DNAH11: variants seen among roughly 807,000 people sequenced by gnomAD.
DNAH11 encodes the protein dynein axonemal heavy chain 11, also known as axonemal beta dynein heavy chain 11.
A neutral mutation model predicts 526.0 loss-of-function variants in DNAH11; 442 were observed. The observed-to-expected ratio is 0.84, with a 90% confidence interval of 0.78 to 0.91. DNAH11 has a LOEUF of 0.91. Ranked by LOEUF, DNAH11 falls within the 40% of genes least tolerant of loss-of-function variation. The probability of loss-of-function intolerance (pLI) is 0.00; values close to 1 mark genes in which losing one functional copy is unlikely to be tolerated. For missense variants in DNAH11, 6,989 were observed against 5,448.7 expected (o/e 1.28, Z -8.90); for synonymous variants, 2,461 against 1,935.9 (o/e 1.27, Z -7.12).
chr7:21,832,087 C>T (rs569255853), intron 65 of DNAH11, among the ~76,000 whole-genome samples: 1 of 145,438 alleles, frequency 6.9e-6, no homozygotes, highest in South Asian at 2.1e-4. Flanking sequence ...GAGACTCCAT[C>T]TCAAAAAAAA....
intron 79 of DNAH11, among the ~76,000 whole-genome samples, chr7:21,896,326 C>G (rs1200236652): frequency 2.0e-5 from 3 of 152,270 alleles, no homozygotes; most frequent in Middle Eastern, 3.4e-3. Context: ...GTCCTCACTG[C>G]ACTCTCCTTC....
intron 58 of DNAH11, among the ~76,000 whole-genome samples, chr7:21,784,888 C>T (rs1045464021): frequency 6.6e-6 from 1 of 152,044 alleles, no homozygotes; most frequent in Admixed American, 6.6e-5. Flanking sequence ...AAGAACTAGG[C>T]GAAGGATTCT....
At chr7:21,572,358 C>T (rs986661617) in intron 8 of DNAH11, among the ~76,000 whole-genome samples, 7 of 152,040 alleles carry the variant, frequency 4.6e-5, no homozygotes, top group African/African-American at 1.7e-4. Flanking sequence ...TTGCTTTCAC[C>T]CCAGTCATTA....
intron 30 of DNAH11, 105 bp downstream of exon 30, chr7:21,659,136 A>C: frequency 1.0e-6 from 1 of 959,758 alleles, no homozygotes; most frequent in Admixed American, 2.8e-5. Flanking sequence ...TCTGTGTGCA[A>C]AATACTATGC....
intron 18 of DNAH11, among the ~76,000 whole-genome samples, chr7:21,602,876 T>G (rs1228172641): frequency 6.6e-6 from 1 of 152,204 alleles, no homozygotes; most frequent in Non-Finnish European, 1.5e-5. Flanking sequence ...TTTCTTTTTT[T>G]TATTGAGGTG....
At chr7:21,632,689 A>C (rs1408403508) in intron 25 of DNAH11, among the ~76,000 whole-genome samples, 1 of 152,104 alleles carries the variant, frequency 6.6e-6, no homozygotes, top group African/African-American at 2.4e-5. Context: ...CCTGGATTTC[A>C]TTGTCTGTGT....
intron 25 of DNAH11, among the ~76,000 whole-genome samples, chr7:21,625,588 G>C (rs908151171): frequency 2.0e-5 from 3 of 152,058 alleles, no homozygotes; most frequent in Non-Finnish European, 4.4e-5. Flanking sequence ...TGAAGGGTTA[G>C]CATTAAGTTG....
intron 8 of DNAH11, among the ~76,000 whole-genome samples, chr7:21,573,798 A>C (rs1357091086): frequency 6.6e-6 from 1 of 152,092 alleles, no homozygotes; most frequent in Non-Finnish European, 1.5e-5. Context: ...TCTGACTACA[A>C]ACTAGTGCTT....
intron 50 of DNAH11, 110 bp from the exon 51 acceptor site, chr7:21,744,760 A>G: frequency 2.8e-6 from 4 of 1,439,554 alleles, no homozygotes; most frequent in African/African-American, 1.4e-5. Flanking sequence ...CATTCCACCC[A>G]CCTACCCATG....
At chr7:21,850,739 T>C (rs1378739314) in intron 66 of DNAH11, among the ~76,000 whole-genome samples, 3 of 152,086 alleles carry the variant, frequency 2.0e-5, no homozygotes, top group Admixed American at 2.0e-4. Flanking sequence ...AGGTTTTATG[T>C]TTCCAGGGCT....
At chr7:21,888,326 A>G (rs1364677167) in intron 76 of DNAH11, among the ~76,000 whole-genome samples, 3 of 152,094 alleles carry the variant, frequency 2.0e-5, no homozygotes, top group African/African-American at 7.2e-5. Flanking sequence ...TACCAACACT[A>G]CTTGGAGAGG....
chr7:21,871,681 C>T (rs375437273), intron 73 of DNAH11, among the ~76,000 whole-genome samples: 3 of 152,144 alleles, frequency 2.0e-5, no homozygotes, highest in African/African-American at 7.2e-5. Flanking sequence ...TGTTAGTAAG[C>T]ATGTAAAGGA....
In DNAH11 at chr7:21,750,295, T is replaced by C; in HGVS notation, c.8871T>C (p.Ala2957=). ...CTGGAATTCATAATGAAGTTCATGC[T>C]CTGGGCATGGTAGACTCCAGGGAAA... ...IISGIHNEVH[A]LGMVDSRENC... is the part of the protein sequence containing the mutation. The change falls in exon 54 of 82, where the codon GCT becomes GCC. Residue 2957 remains alanine, a synonymous_variant. Transcript: ENST00000409508. 1 of 1,605,624 alleles carries C rather than the reference T, an allele frequency of 6.2e-7. No individual in the cohort carries two copies. Among genetic ancestry groups the C allele is most frequent in the Non-Finnish European group, 8.5e-7 (1 of 1,175,770 alleles).
Position 21,899,328 on chromosome 7 carries a change from T to C in DNAH11, c.13050-8T>C. On this transcript the variant is annotated splice_polypyrimidine_tract_variant and splice_region_variant and intron_variant, in intron 79 of 81. Transcript: ENST00000409508. Reference sequence around the variant, plus strand: ...AGCAAGTTTTTCTTCCTCCCTCCCATAAACCAGGTTCAATGACCTCCTCCT... The same window carrying C: ...AGCAAGTTTTTCTTCCTCCCTCCCACAAACCAGGTTCAATGACCTCCTCCT... 1 of 1,612,210 alleles carries C rather than the reference T, an allele frequency of 6.2e-7. No individual in the cohort carries two copies. Among genetic ancestry groups the C allele is most frequent in the Non-Finnish European group, 8.5e-7 (1 of 1,178,272 alleles).
intron 65 of DNAH11, among the ~76,000 whole-genome samples, chr7:21,832,119 C>T (rs1305156242): frequency 2.6e-5 from 4 of 152,054 alleles, no homozygotes; most frequent in Non-Finnish European, 5.9e-5. Context: ...CACTTGCACC[C>T]AGAAGCAAAA....
intron 63 of DNAH11, among the ~76,000 whole-genome samples, chr7:21,811,542 G>A (rs1789524194): frequency 6.6e-6 from 1 of 152,128 alleles, no homozygotes; most frequent in Admixed American, 6.6e-5. Flanking sequence ...ACAGAAAGTG[G>A]AATGGTGGTT....
rs531304191 is a variant in DNAH11 at position 21,797,758 on chromosome 7, C to G, written c.10027-3379C>G. Among the ~76,000 whole-genome samples the G allele has an allele frequency of 2.6e-5, 4 of 152,236 alleles. No individual in the cohort carries two copies. The East Asian group carries it at 7.7e-4, about 29-fold the overall frequency. ...TTCCTGGTGAACATTCACTCATGCC[C>G]TTAAGAGTTACATGCCAAGGGCCAA... is the stretch of plus-strand genomic sequence containing the variant. On this transcript the variant is annotated intron_variant, in intron 61 of 81. Coordinates refer to ENST00000409508, the MANE Select transcript of DNAH11 (RefSeq NM_001277115.2).
At chr7:21,622,694 C>G (rs1404378541) in intron 25 of DNAH11, among the ~76,000 whole-genome samples, 1 of 152,044 alleles carries the variant, frequency 6.6e-6, no homozygotes, top group Non-Finnish European at 1.5e-5. Flanking sequence ...CTTTGACAAA[C>G]CTGAGAAAAA....
At chr7:21,728,481 A>T (rs1200913796) in intron 45 of DNAH11, among the ~76,000 whole-genome samples, 1 of 150,116 alleles carries the variant, frequency 6.7e-6, no homozygotes, top group Admixed American at 6.6e-5. Flanking sequence ...CTGGTCTTGA[A>T]CTCCTGACCT....
Sources: gnomAD v4.1 joint callset for allele counts (sites outside exome capture counted in the v4.1 genomes callset) on GRCh38, gnomAD v4.1.1 for gene constraint, MANE v1.5 for transcripts, NCBI Gene and HGNC (gene_info 2026-07-23, HGNC 2026-07-21) for gene names.